The following WWOX variants were observed in gnomAD, a reference collection of about 807,000 sequenced individuals.
WWOX encodes the protein WW domain containing oxidoreductase.
WWOX carries 69 observed loss-of-function variants against 46.2 expected under a neutral mutation model. The observed-to-expected ratio is 1.49, with a 90% CI of 1.23 to 1.82. The LOEUF is 1.82. Ranked by LOEUF, WWOX falls within the 40% of genes most tolerant of loss-of-function variation. The pLI is 0.00. For missense variants in WWOX, 919 were observed against 542.6 expected (o/e 1.69, Z -6.89); for synonymous variants, 359 against 202.6 (o/e 1.77, Z -6.56).
At chr16:79,077,821 ACTC>A (rs2048687456) in intron 8 of WWOX, 2 of 151,950 alleles carry the variant, frequency 1.3e-5, no homozygotes, top group Middle Eastern at 6.8e-3. Context: ...ATTCTCCTAA[ACTC>A]CTGCAAAGAA....
chr16:78,240,657 G>A (rs2037612649), intron 5 of WWOX, among the ~76,000 whole-genome samples: 1 of 152,174 alleles, frequency 6.6e-6, no homozygotes, highest in African/African-American at 2.4e-5. Flanking sequence ...GTCTCTGGAA[G>A]TCTCAGCAGC....
chr16:78,657,728 G>T (rs78722920), intron 8 of WWOX, among the ~76,000 whole-genome samples: 1 of 152,110 alleles, frequency 6.6e-6, no homozygotes, highest in African/African-American at 2.4e-5. Flanking sequence ...GGAAGGTGGC[G>T]CAAATAACTG....
At chr16:79,073,612 G>T (rs527885095) in intron 8 of WWOX, among the ~76,000 whole-genome samples, 1 of 152,192 alleles carries the variant, frequency 6.6e-6, no homozygotes, top group Admixed American at 6.5e-5. Context: ...TCAAATGTCT[G>T]TTCTCCCTTT....
intron 8 of WWOX, among the ~76,000 whole-genome samples, chr16:78,943,308 G>A (rs1349457049): frequency 6.8e-6 from 1 of 147,238 alleles, no homozygotes; most frequent in Non-Finnish European, 1.5e-5. Context: ...TACGCTAAAC[G>A]AGTAAAAAGC....
intron 8 of WWOX, among the ~76,000 whole-genome samples, chr16:79,172,683 C>G (rs1266363835): frequency 1.3e-5 from 2 of 152,046 alleles, no homozygotes; most frequent in African/African-American, 4.8e-5. Flanking sequence ...TGTGCACGCG[C>G]ACGTATGTGT....
chr16:78,617,274 C>G (rs1335171199), intron 8 of WWOX, among the ~76,000 whole-genome samples: 3 of 151,852 alleles, frequency 2.0e-5, no homozygotes, highest in Non-Finnish European at 4.4e-5. Context: ...TGGTGGCGTG[C>G]ACCTGTGGCC....
At chr16:78,740,148 C>T (rs1325192554) in intron 8 of WWOX, among the ~76,000 whole-genome samples, 2 of 152,130 alleles carry the variant, frequency 1.3e-5, no homozygotes, top group Non-Finnish European at 2.9e-5. Context: ...AAAATAATTG[C>T]ATCTCCTGAA....
At chr16:78,229,791 C>G (rs2037192765) in intron 5 of WWOX, among the ~76,000 whole-genome samples, 3 of 152,202 alleles carry the variant, frequency 2.0e-5, no homozygotes, top group South Asian at 4.2e-4. Context: ...CCTTTTCTTT[C>G]TGAATTCTAT....
chr16:78,223,594 A>G (rs572351002), intron 5 of WWOX, among the ~76,000 whole-genome samples: 1 of 152,244 alleles, frequency 6.6e-6, no homozygotes, highest in East Asian at 1.9e-4. Context: ...GGAAACATGC[A>G]AAGTGCTCAG....
chr16:78,660,255 C>G (rs923124919), intron 8 of WWOX, among the ~76,000 whole-genome samples: 1 of 152,048 alleles, frequency 6.6e-6, no homozygotes, highest in African/African-American at 2.4e-5. Flanking sequence ...GTGGTAGATG[C>G]GGACTGGCCA....
At chr16:78,451,677 G>A (rs1373094045) in intron 8 of WWOX, among the ~76,000 whole-genome samples, 3 of 152,328 alleles carry the variant, frequency 2.0e-5, no homozygotes, top group African/African-American at 7.2e-5. Context: ...AACCTTTGGT[G>A]TATAGTGGAT....
intron 8 of WWOX, among the ~76,000 whole-genome samples, chr16:79,142,494 T>G (rs1357352854): frequency 1.3e-5 from 2 of 152,134 alleles, no homozygotes; most frequent in Non-Finnish European, 2.9e-5. Context: ...CCAAAGCTGA[T>G]CATTAAACAT....
At chr16:78,976,192 T>C (rs963892382) in intron 8 of WWOX, among the ~76,000 whole-genome samples, 3 of 152,218 alleles carry the variant, frequency 2.0e-5, no homozygotes, top group Admixed American at 1.3e-4. Context: ...GATGAAAGAA[T>C]GAACAAATGA....
chr16:78,558,542 G>C (rs1374140082), intron 8 of WWOX, among the ~76,000 whole-genome samples: 5 of 152,218 alleles, frequency 3.3e-5, no homozygotes. Context: ...GTTTGCCATA[G>C]TACCCATCAG....
At chr16:78,686,523 G>A (rs1295967831) in intron 8 of WWOX, among the ~76,000 whole-genome samples, 2 of 143,700 alleles carry the variant, frequency 1.4e-5, no homozygotes, top group South Asian at 2.2e-4. Context: ...AAAAAAAAAA[G>A]AAATCTGTTA....
intron 8 of WWOX, among the ~76,000 whole-genome samples, chr16:78,935,262 C>G (rs1478698694): frequency 1.3e-5 from 2 of 152,050 alleles, no homozygotes; most frequent in East Asian, 3.9e-4. Context: ...GGGTATATAC[C>G]CAAAGGATTA....
intron 8 of WWOX, among the ~76,000 whole-genome samples, chr16:79,143,916 T>G (rs1377334658): frequency 6.6e-6 from 1 of 152,190 alleles, no homozygotes; most frequent in Non-Finnish European, 1.5e-5. Flanking sequence ...CTTAATTTTT[T>G]TCTTTTGAGA....
chr16:78,733,581 A>G (rs2049015241), intron 8 of WWOX, among the ~76,000 whole-genome samples: 1 of 149,726 alleles, frequency 6.7e-6, no homozygotes, highest in South Asian at 2.2e-4. Context: ...CCCTATCTCT[A>G]CTGAAAATAC....
intron 8 of WWOX, among the ~76,000 whole-genome samples, chr16:78,538,091 T>G (rs1245653580): frequency 2.0e-5 from 3 of 152,008 alleles, no homozygotes; most frequent in African/African-American, 7.3e-5. Flanking sequence ...AAGGGGGTAA[T>G]TATTTTATTT....
Sources: gnomAD v4.1 joint callset for allele counts (sites outside exome capture counted in the v4.1 genomes callset) on GRCh38, gnomAD v4.1.1 for gene constraint, MANE v1.5 for transcripts, NCBI Gene and HGNC (gene_info 2026-07-23, HGNC 2026-07-21) for gene names.